The following KIF1A variants were observed in gnomAD, a reference collection of about 807,000 sequenced individuals.
KIF1A encodes kinesin family member 1A.
A neutral mutation model predicts 227.3 loss-of-function variants in KIF1A; 46 were observed. The ratio of observed to expected loss-of-function variants is 0.20; its 90% CI spans 0.16 to 0.26. The LOEUF is 0.26. KIF1A is among the 10% of genes least tolerant of loss of function. The pLI, the probability that KIF1A is intolerant of heterozygous loss-of-function variation, is 1.00. For missense variants in KIF1A, 1,683 were observed against 2,485.9 expected, an observed-to-expected ratio of 0.68 and a Z score of 6.87; for synonymous variants, 1,022 against 1,012.8, an observed-to-expected ratio of 1.01 and a Z score of -0.17.
rs35945835 is a variant in KIF1A, at chr2:240,761,259, G to A, written c.2235C>T (p.Ala745=). ...LWGNAIFLKE[A]NAISVELKKK... ...TTTTCAGCTCCACGCTGATGGCATTGGCCTCCTTGAGGAAGATGGCGTTGC... is the reference window on the plus strand; with the variant it reads ...TTTTCAGCTCCACGCTGATGGCATTAGCCTCCTTGAGGAAGATGGCGTTGC... The change falls in exon 24 of 49, where the codon GCC becomes GCT. Residue 745 remains alanine (A), a synonymous_variant. Coordinates refer to ENST00000498729, the MANE Select transcript of KIF1A (RefSeq NM_001244008.2). 69,572 of 1,613,412 alleles carry A rather than the reference G, an allele frequency of 0.043. 1,766 individuals carry two copies. The highest frequency in any genetic ancestry group is 0.1 in the Middle Eastern group (601 of 5,944).
At chr2:240,733,495 C>T (rs570421608) in intron 38 of KIF1A, among the ~76,000 whole-genome samples, 3 of 152,290 alleles carry the variant, frequency 2.0e-5, no homozygotes, top group South Asian at 4.1e-4. Context: ...AGGGCTGGTG[C>T]GGCAGCCTTC....
intron 23 of KIF1A, among the ~76,000 whole-genome samples, chr2:240,762,351 G>A (rs2050630591): frequency 6.6e-6 from 1 of 152,236 alleles, no homozygotes; most frequent in Admixed American, 6.5e-5. Context: ...TCAGCAGGAT[G>A]GGAAGAGTGG....
At chr2:240,805,512 G>A (rs530425482) in intron 1 of KIF1A, among the ~76,000 whole-genome samples, 7 of 152,260 alleles carry the variant, frequency 4.6e-5, no homozygotes, top group African/African-American at 1.7e-4. Flanking sequence ...AAAGTTCAGA[G>A]TCAAGTAATA....
chr2:240,767,997 C>A (rs373140739), intron 17 of KIF1A, among the ~76,000 whole-genome samples: 1 of 152,370 alleles, frequency 6.6e-6, no homozygotes, highest in African/African-American at 2.4e-5. Flanking sequence ...GCTGTCCCTG[C>A]CCCCTGAGTG....
At chr2:240,820,518 G>A (rs1418741975), upstream of KIF1A, among the ~76,000 whole-genome samples, 6 of 151,958 alleles carry the variant, frequency 3.9e-5, no homozygotes, top group East Asian at 9.8e-4. This position sits in a 1 kb window ranked among gnomAD's most constrained non-coding sequence, Gnocchi z 6.2. Context: ...CGCGGGGGAG[G>A]GACCCGGCGG....
At chr2:240,721,437 C>A (rs1409662338) in intron 44 of KIF1A, among the ~76,000 whole-genome samples, 3 of 152,206 alleles carry the variant, frequency 2.0e-5, no homozygotes, top group Non-Finnish European at 4.4e-5. Flanking sequence ...TCCCAGGCTA[C>A]AGGGGTGGGG....
At chr2:240,769,845 G>C (rs1421419031) in intron 15 of KIF1A, 139 bp from the exon 16 acceptor site, 1 of 618,378 alleles carries the variant, frequency 1.6e-6, no homozygotes, top group Non-Finnish European at 2.9e-6. Flanking sequence ...GAGGCATCCA[G>C]AAGACCAAGG....
intron 1 of KIF1A, among the ~76,000 whole-genome samples, chr2:240,819,272 G>A (rs935015906): frequency 5.3e-5 from 8 of 152,160 alleles, no homozygotes; most frequent in Non-Finnish European, 1.2e-4. Context: ...CGTGTCATCC[G>A]AGCCCGGGCG....
chr2:240,796,280 C>G (rs1359251009), intron 2 of KIF1A, among the ~76,000 whole-genome samples: 1 of 152,250 alleles, frequency 6.6e-6, no homozygotes, highest in African/African-American at 2.4e-5. Flanking sequence ...GGTCCTGCCA[C>G]CTGAGCACTT....
intron 38 of KIF1A, among the ~76,000 whole-genome samples, chr2:240,732,920 G>A: frequency 1.5e-5 from 2 of 132,532 alleles, no homozygotes; most frequent in Non-Finnish European, 3.3e-5. Context: ...GAGAGGGGAT[G>A]AGGGAGGGAT....
chr2:240,730,986 C>T (rs2046537219), intron 38 of KIF1A, among the ~76,000 whole-genome samples: 1 of 152,206 alleles, frequency 6.6e-6, no homozygotes, highest in Non-Finnish European at 1.5e-5. Context: ...AGGGCAGCTG[C>T]AGGCTCCCTC....
intron 1 of KIF1A, among the ~76,000 whole-genome samples, chr2:240,809,580 A>G (rs2057699469): frequency 6.6e-6 from 1 of 152,218 alleles, no homozygotes; most frequent in Non-Finnish European, 1.5e-5. Flanking sequence ...AATAAATTCC[A>G]TGTGGATTAA....
chr2:240,721,868 G>A lies in KIF1A; in HGVS notation c.4682C>T (p.Thr1561Met), dbSNP rs769101887. Residue 1561 changes from threonine to methionine, a missense_variant, in exon 44 of 49, where the codon ACG becomes ATG. Thr to Met is a moderately conservative substitution (Grantham distance 81). This residue lies in a region of KIF1A where 384 missense variants were observed against 410.1 expected (regional missense o/e 0.94). Coordinates refer to ENST00000498729, the MANE Select transcript of KIF1A (RefSeq NM_001244008.2). ...ELAVKCLRLL[T>M]HTFNREYTHS... ...TGTGTACTCTCTGTTGAATGTGTGC[G>A]TGAGCAGGCGCAAGCACTGTGGACA... is the stretch of plus-strand genomic sequence containing the variant. The A allele has an allele frequency of 1.7e-5, 27 of 1,606,060 alleles. No homozygotes were observed. The highest frequency in any genetic ancestry group is 4.5e-5 in the East Asian group (2 of 44,846).
intron 1 of KIF1A, among the ~76,000 whole-genome samples, chr2:240,819,235 C>G (rs947641646): frequency 2.0e-5 from 3 of 152,166 alleles, no homozygotes; most frequent in South Asian, 2.1e-4. Context: ...AGCGGGAGTG[C>G]GAAGGTCTTC....
chr2:240,721,719 C>T, intron 44 of KIF1A, 88 bp downstream of exon 44: 2 of 1,078,368 alleles, frequency 1.9e-6, no homozygotes, highest in Non-Finnish European at 2.7e-6. Flanking sequence ...TGCCTTTTCC[C>T]ACTTGGAATG....
At chr2:240,777,034 C>G (rs545934763) in intron 10 of KIF1A, among the ~76,000 whole-genome samples, 6 of 152,064 alleles carry the variant, frequency 3.9e-5, no homozygotes, top group African/African-American at 1.4e-4. Flanking sequence ...TCTAGTTTTT[C>G]TTTTGTTTTG....
At chr2:240,768,228 G>C (rs1468555895) in intron 17 of KIF1A, among the ~76,000 whole-genome samples, 1 of 152,356 alleles carries the variant, frequency 6.6e-6, no homozygotes, top group Non-Finnish European at 1.5e-5. Context: ...TCCAGGAAGG[G>C]GATGGGGTCT....
chr2:240,797,503 C>A, intron 2 of KIF1A, 144 bp downstream of exon 2: 1 of 622,432 alleles, frequency 1.6e-6, no homozygotes. Flanking sequence ...GTTACAGCAG[C>A]CCCAGGACAC....
intron 25 of KIF1A, 36 bp downstream of exon 25, chr2:240,760,629 C>A: frequency 7.0e-7 from 1 of 1,425,706 alleles, no homozygotes; most frequent in African/African-American, 1.5e-5. Context: ...CCAGGAGGAC[C>A]CTCCCACCAT....
Sources: allele counts gnomAD v4.1 joint callset (sites outside exome capture counted in the v4.1 genomes callset), GRCh38; gene constraint gnomAD v4.1.1; regional missense constraint gnomAD v4.1.1; non-coding constraint Gnocchi (gnomAD v3.1); transcripts MANE v1.5; gene names NCBI Gene and HGNC (gene_info 2026-07-23, HGNC 2026-07-21).